Variants in DMXL1 observed in about 807,000 individuals in gnomAD.
DMXL1 encodes the protein Dmx like 1.
Under a neutral mutation model 319.2 loss-of-function variants are expected in DMXL1, and 99 were observed. The ratio of observed to expected loss-of-function variants is 0.31; its 90% CI spans 0.26 to 0.37. The LOEUF is 0.37. Among genes scored for constraint, DMXL1 ranks in the 10% least tolerant of loss-of-function variants. The pLI is 1.00. For missense variants in DMXL1, 3,745 were observed against 3,595.6 expected (o/e 1.04, Z -1.06); for synonymous variants, 1,385 against 1,235.2 (o/e 1.12, Z -2.54).
intron 42 of DMXL1, among the ~76,000 whole-genome samples, chr5:119,241,983 T>G (rs899634175): frequency 2.6e-5 from 4 of 152,238 alleles, no homozygotes; most frequent in African/African-American, 9.6e-5. Context: ...TATTTTTGTT[T>G]ACATTTCTCG....
chr5:119,171,382 G>C, intron 24 of DMXL1, 102 bp downstream of exon 24: 1 of 1,219,368 alleles, frequency 8.2e-7, no homozygotes, highest in Non-Finnish European at 1.1e-6. Flanking sequence ...CTTTATTACG[G>C]TTGCTTTAGG....
At chr5:119,178,988 T>C (rs1301927378) in intron 28 of DMXL1, among the ~76,000 whole-genome samples, 1 of 152,176 alleles carries the variant, frequency 6.6e-6, no homozygotes, top group Non-Finnish European at 1.5e-5. Context: ...AATCAGACTA[T>C]GGCTTGAAAT....
chr5:119,174,015 C>G (rs923644548), intron 25 of DMXL1, among the ~76,000 whole-genome samples: 3 of 151,562 alleles, frequency 2.0e-5, no homozygotes, highest in Non-Finnish European at 4.4e-5. Context: ...TAGTTCAAGT[C>G]TGAAGACAGG....
intron 19 of DMXL1, among the ~76,000 whole-genome samples, chr5:119,154,101 T>C (rs1287076559): frequency 2.6e-5 from 4 of 152,158 alleles, no homozygotes; most frequent in Non-Finnish European, 2.9e-5. Context: ...GATCAGCCAT[T>C]CCCCTGTATT....
At chr5:119,151,221 A>G (rs1769719387) in intron 18 of DMXL1, among the ~76,000 whole-genome samples, 1 of 152,066 alleles carries the variant, frequency 6.6e-6, no homozygotes, top group Non-Finnish European at 1.5e-5. Context: ...TTCCTCACCC[A>G]GAGAGCATTT....
Position 119,245,433 on chromosome 5 carries a change from T to C in DMXL1, c.8922+857T>C, listed in dbSNP as rs184730017. 6.6e-4 allele frequency among the ~76,000 whole-genome samples: 100 copies of C among 152,328 alleles called. No individual in the cohort carries two copies. In the Middle Eastern group the frequency reaches 0.01, roughly 16 times the overall value. On this transcript the variant is annotated intron_variant, in intron 43 of 43. Transcript: ENST00000539542. ...TATGGAATTTTTAAAAGCCTTTTTC[T>C]TAAAATCAAATATATATATACCAAC...
Position 119,143,898 on chromosome 5 carries a change from T to C in DMXL1, c.2434T>C (p.Cys812Arg), listed in dbSNP as rs771385859. The C allele has an allele frequency of 6.3e-7, 1 of 1,587,010 alleles. No homozygotes were observed. Among genetic ancestry groups the C allele is most frequent in the Non-Finnish European group, 8.6e-7 (1 of 1,167,094 alleles). ...TCAACAATCAACAGCCAGGCCAGGA[T>C]GCATTATTGCATTAGATCCCATTAC... ...VSQQSTARPG[C>R]IIALDPITKL... Residue 812 changes from cysteine to arginine, a missense_variant, in exon 14 of 44, where the codon TGC (cysteine) becomes CGC (arginine). Coordinates refer to ENST00000539542, the MANE Select transcript of DMXL1 (RefSeq NM_001290321.3).
intron 13 of DMXL1, among the ~76,000 whole-genome samples, chr5:119,137,534 C>G (rs1388739492): frequency 2.6e-5 from 4 of 152,124 alleles, no homozygotes; most frequent in Non-Finnish European, 4.4e-5. Flanking sequence ...ACCCAAATCT[C>G]ATTTCGAATT....
intron 1 of DMXL1, among the ~76,000 whole-genome samples, chr5:119,090,506 T>G (rs989062328): frequency 8.6e-5 from 13 of 151,986 alleles, no homozygotes; most frequent in Non-Finnish European, 1.8e-4. Flanking sequence ...GAGGTAATTT[T>G]TTGTATCTTG....
At chr5:119,165,306 G>A (rs775631557) in intron 21 of DMXL1, 26 bp downstream of exon 21, 13 of 1,025,054 alleles carry the variant, frequency 1.3e-5, no homozygotes, top group Non-Finnish European at 1.8e-5. Context: ...AAAAAAAAAG[G>A]GTGCTTCAAT....
intron 39 of DMXL1, among the ~76,000 whole-genome samples, chr5:119,234,074 A>C (rs1005277432): frequency 6.6e-6 from 1 of 152,134 alleles, no homozygotes; most frequent in Non-Finnish European, 1.5e-5. Flanking sequence ...TGGCAAAATA[A>C]AATATTTATT....
At chr5:119,099,860 A>C (rs779197042) in intron 2 of DMXL1, among the ~76,000 whole-genome samples, 1 of 152,094 alleles carries the variant, frequency 6.6e-6, no homozygotes, top group Non-Finnish European at 1.5e-5. Flanking sequence ...AAATAGCCGG[A>C]CATGGTAGTA....
chr5:119,146,976 G>T lies in DMXL1; in HGVS notation c.2689+20G>T. The T allele has an allele frequency of 1.2e-6, 2 of 1,608,448 alleles. No homozygotes were observed. The highest frequency in any genetic ancestry group is 4.5e-5 in the East Asian group (2 of 44,704). On this transcript the variant is annotated intron_variant, in intron 16 of 43. Coordinates refer to ENST00000539542, the MANE Select transcript of DMXL1 (RefSeq NM_001290321.3). ...CATTAGGTGAGTCTTTTGTGTGTGT[G>T]TTTGTGCAACTTTAATAGGTGTAAG... is the stretch of plus-strand genomic sequence containing the variant.
intron 13 of DMXL1, among the ~76,000 whole-genome samples, chr5:119,142,793 C>G (rs1767704675): frequency 6.6e-6 from 1 of 152,020 alleles, no homozygotes; most frequent in South Asian, 2.1e-4. Context: ...ACCCAAATGC[C>G]CATGAGTGAC....
rs375258600 is a variant in DMXL1, at chr5:119,203,423, G to A, written c.7850G>A (p.Arg2617Gln). 7.5e-6 allele frequency: 12 copies of A among 1,596,278 alleles called. No homozygotes were observed. The highest frequency in any genetic ancestry group is 1.7e-5 in the Admixed American group (1 of 57,380). ...TFIKNIFTKKRCLNESLEDNS... is the reference protein window; with the variant it reads ...TFIKNIFTKKQCLNESLEDNS... ...ATCAAAAATATATTCACAAAGAAAC[G>A]GTGTCTAAATGAGGTCTGTATAAGT... The change falls in exon 33 of 44, where the codon CGG (arginine) becomes CAG (glutamine). Residue 2617 changes from arginine to glutamine, a missense_variant. Arg to Gln is a conservative substitution (Grantham distance 43). Coordinates refer to ENST00000539542, the MANE Select transcript of DMXL1 (RefSeq NM_001290321.3).
intron 13 of DMXL1, among the ~76,000 whole-genome samples, chr5:119,135,532 G>A (rs1765798460): frequency 6.6e-6 from 1 of 152,168 alleles, no homozygotes; most frequent in Admixed American, 6.5e-5. Context: ...TATGTGATAA[G>A]GTTTGGCTCT....
intron 13 of DMXL1, among the ~76,000 whole-genome samples, chr5:119,137,790 TTAAAATTACCCAGTCTCA>T (rs1766361092): frequency 6.6e-6 from 1 of 152,204 alleles, no homozygotes; most frequent in Non-Finnish European, 1.5e-5. Context: ...TGTGAGTCTG[TTAAAATTACCCAGTCTCA>T]GGTATTTATT....
rs756572663 is a variant in DMXL1 at position 119,097,929 on chromosome 5, G to T, written c.88-50G>T. The T allele has an allele frequency of 9.5e-6, 14 of 1,467,792 alleles. No individual in the cohort carries two copies. The Admixed American group carries it at 1.2e-4, about 13-fold the overall frequency. 90.9% of individuals were successfully genotyped at this position (1,467,792 alleles called of 1,614,324 possible). A position where few individuals can be genotyped will look rare whatever the true frequency, so the allele number is the denominator to read the frequency against. On this transcript the variant is annotated intron_variant, in intron 1 of 43. Coordinates refer to ENST00000539542, the MANE Select transcript of DMXL1 (RefSeq NM_001290321.3). ...ATAGTTAATACTAGTATTCTACATGGTAAATGTTTCCTTGACACTTTTATC... is the reference window on the plus strand; with the variant it reads ...ATAGTTAATACTAGTATTCTACATGTTAAATGTTTCCTTGACACTTTTATC...
chr5:119,163,255 A>G (rs1304162538), intron 19 of DMXL1, among the ~76,000 whole-genome samples: 1 of 152,204 alleles, frequency 6.6e-6, no homozygotes, highest in African/African-American at 2.4e-5. Context: ...ATACAGAGAG[A>G]TTGAGGCATT....
Sources: allele counts gnomAD v4.1 joint callset (sites outside exome capture counted in the v4.1 genomes callset), GRCh38; gene constraint gnomAD v4.1.1; transcripts MANE v1.5; gene names NCBI Gene and HGNC (gene_info 2026-07-23, HGNC 2026-07-21).